The following ABR variants were observed in gnomAD, a reference collection of about 807,000 sequenced individuals.
ABR encodes the protein active breakpoint cluster region-related protein.
ABR carries 35 observed loss-of-function variants against 107.2 expected under a neutral mutation model. The observed-to-expected ratio is 0.33, with a 90% CI of 0.25 to 0.43. ABR has a LOEUF of 0.43. ABR is among the 20% of genes least tolerant of loss of function. The pLI is 1.00. For missense variants in ABR, 815 were observed against 1,115.2 expected (o/e 0.73, Z 3.83); for synonymous variants, 498 against 462.0 (o/e 1.08, Z -1.00).
At position 1,154,160 on chromosome 17, in the gene ABR, C is replaced by G. The variant is rs1470993583; in HGVS notation, c.61+25507G>C. 6.6e-6 allele frequency: 1 copy of G among 152,368 alleles called. No individual in the cohort carries two copies. The highest frequency in any genetic ancestry group is 2.4e-5 in the African/African-American group (1 of 41,452). 9.4% of individuals were successfully genotyped at this position (152,368 alleles called of 1,614,324 possible). On this transcript the variant is annotated intron_variant, in intron 1 of 22. Transcript: ENST00000302538. This position sits in a 1 kb window ranked among gnomAD's most constrained non-coding sequence, Gnocchi z 4.0. Reference sequence around the variant, plus strand: ...GCCAGGAACTGAGCAGCGGGTTCACCTCCCAGGTCCTTCATGATCCTGGTG... The same window carrying G: ...GCCAGGAACTGAGCAGCGGGTTCACGTCCCAGGTCCTTCATGATCCTGGTG...
intron 2 of ABR, among the ~76,000 whole-genome samples, chr17:1,119,973 C>G (rs1261575418): frequency 6.6e-6 from 1 of 152,222 alleles, no homozygotes; most frequent in African/African-American, 2.4e-5. Context: ...TAGCACCTCT[C>G]AGCCTCCAAC....
chr17:1,065,787 T>G (rs778364342), intron 10 of ABR, among the ~76,000 whole-genome samples: 55 of 147,392 alleles, frequency 3.7e-4, no homozygotes, highest in Non-Finnish European at 6.8e-4. Context: ...ACTCTGTTGC[T>G]CAGGCTGGAG....
intron 6 of ABR, among the ~76,000 whole-genome samples, chr17:1,076,913 G>A (rs1223527586): frequency 9.2e-5 from 14 of 152,080 alleles, no homozygotes; most frequent in Admixed American, 7.9e-4. Context: ...CTTCCTGCCC[G>A]GCCTCACCCA....
intron 16 of ABR, among the ~76,000 whole-genome samples, chr17:1,019,223 TTC>T (rs1250454785): frequency 6.6e-6 from 1 of 152,170 alleles, no homozygotes; most frequent in Non-Finnish European, 1.5e-5. Context: ...TAAGGCCCAG[TTC>T]TCGCCCCGCC....
At chr17:1,014,983 T>C (rs1343258093) in intron 16 of ABR, among the ~76,000 whole-genome samples, 1 of 152,248 alleles carries the variant, frequency 6.6e-6, no homozygotes, top group Non-Finnish European at 1.5e-5. Flanking sequence ...TTTTATATTT[T>C]CAAGTCCTTT....
chr17:1,187,685 T>C (rs111723256), upstream of ABR, among the ~76,000 whole-genome samples: 37 of 151,058 alleles, frequency 2.4e-4, no homozygotes, highest in African/African-American at 8.3e-4. Context: ...AGGTCAGGAG[T>C]TCGAGACCAG....
chr17:1,181,772 C>G (rs906588930), upstream of ABR: 2 of 152,188 alleles, frequency 1.3e-5, no homozygotes, highest in African/African-American at 4.8e-5. Context: ...CGTGAGCTGC[C>G]GCCACCAGGA....
chr17:1,183,409 G>T (rs1357049990), upstream of ABR, among the ~76,000 whole-genome samples: 1 of 152,100 alleles, frequency 6.6e-6, no homozygotes, highest in Non-Finnish European at 1.5e-5. Flanking sequence ...GGGATTTCAT[G>T]GTTGGGTGCA....
rs1298347757 is a variant in ABR at position 1,070,897 on chromosome 17, T to A, written c.895-807A>T. 6.6e-6 allele frequency among the ~76,000 whole-genome samples: 1 copy of A among 152,170 alleles called. No individual in the cohort carries two copies. Among genetic ancestry groups the A allele is most frequent in the Admixed American group, 6.5e-5 (1 of 15,274 alleles). ...GATGACCGAGGCCGGGCGCAGTGGTTCACACCTGTCATCCCAGCAATTTGG... is the reference window on the plus strand; with the variant it reads ...GATGACCGAGGCCGGGCGCAGTGGTACACACCTGTCATCCCAGCAATTTGG... On this transcript the variant is annotated intron_variant, in intron 8 of 22. Transcript: ENST00000302538. The surrounding 1 kb of genome is among the most constrained non-coding windows in gnomAD (Gnocchi z 4.2).
Position 1,084,464 on chromosome 17 carries a change from A to G in ABR, c.532-837T>C, listed in dbSNP as rs2036465609. On this transcript the variant is annotated intron_variant, in intron 4 of 22. Coordinates refer to ENST00000302538, the MANE Select transcript of ABR (RefSeq NM_021962.5). The surrounding 1 kb of genome is among the most constrained non-coding windows in gnomAD (Gnocchi z 4.2). ...CGTCCTCACCTCTTCCACCTCCTCT[A>G]CCTCCAAGGAGCCAAAGCCCCAGCC... Among the ~76,000 whole-genome samples the G allele has an allele frequency of 6.6e-6, 1 of 151,900 alleles. No homozygotes were observed. Among genetic ancestry groups the G allele is most frequent in the South Asian group, 2.1e-4 (1 of 4,806 alleles).
Position 1,091,857 on chromosome 17 carries a change from G to C in ABR, c.346-7C>G. 6.2e-7 allele frequency: 1 copy of C among 1,610,672 alleles called. No individual in the cohort carries two copies. The highest frequency in any genetic ancestry group is 8.5e-7 in the Non-Finnish European group (1 of 1,178,142). ...CCTTCAGGGGTTTCATGGGCTGGGAGAAACAGAGGAAGAAAGAGCAGAGGT... is the reference window on the plus strand; with the variant it reads ...CCTTCAGGGGTTTCATGGGCTGGGACAAACAGAGGAAGAAAGAGCAGAGGT... On this transcript the variant is annotated splice_region_variant and splice_polypyrimidine_tract_variant and intron_variant, in intron 3 of 22. Transcript: ENST00000302538.
chr17:1,153,973 A>C (rs2040935642), intron 1 of ABR: 1 of 166,118 alleles, frequency 6.0e-6, no homozygotes, highest in South Asian at 1.4e-4. Flanking sequence ...GGCTGATGCA[A>C]TTCTCGGCAG....
chr17:1,214,006 G>A (rs1371382294), intron 1 of ABR, among the ~76,000 whole-genome samples: 1 of 151,914 alleles, frequency 6.6e-6, no homozygotes, highest in African/African-American at 2.4e-5. Flanking sequence ...TCCTGCCTCA[G>A]CCTCCCGAGT....
rs2042038151 is a variant in ABR at position 1,179,401 on chromosome 17, G to A, written c.61+266C>T. 6.6e-6 allele frequency among the ~76,000 whole-genome samples: 1 copy of A among 151,804 alleles called. No homozygotes were observed. Among genetic ancestry groups the A allele is most frequent in the Non-Finnish European group, 1.5e-5 (1 of 67,908 alleles). ...TCGGCTCGGTCCGCCCACGGTCCCC[G>A]CCCCCGGACCGCAGGAATCCTCTCT... On this transcript the variant is annotated intron_variant, in intron 1 of 22. Coordinates refer to ENST00000302538, the MANE Select transcript of ABR (RefSeq NM_021962.5). This position sits in a 1 kb window ranked among gnomAD's most constrained non-coding sequence, Gnocchi z 4.9.
chr17:1,097,092 C>G (rs2037513494), intron 3 of ABR, among the ~76,000 whole-genome samples: 1 of 152,148 alleles, frequency 6.6e-6, no homozygotes, highest in South Asian at 2.1e-4. Context: ...AAAGGCAGAG[C>G]AGGGAGGGGC....
At chr17:1,114,784 G>A (rs1317204732) in intron 2 of ABR, among the ~76,000 whole-genome samples, 1 of 151,262 alleles carries the variant, frequency 6.6e-6, no homozygotes, top group Non-Finnish European at 1.5e-5. Context: ...AAAAAAAAAA[G>A]CAGTGGTTAG....
At chr17:1,087,653 A>G (rs2036702719) in intron 4 of ABR, among the ~76,000 whole-genome samples, 2 of 152,064 alleles carry the variant, frequency 1.3e-5, no homozygotes, top group Non-Finnish European at 2.9e-5. Context: ...CCGGCCCATC[A>G]ATGCCCACGC....
intron 2 of ABR, among the ~76,000 whole-genome samples, chr17:1,109,779 G>A (rs1306182344): frequency 2.0e-5 from 3 of 152,108 alleles, no homozygotes; most frequent in Admixed American, 1.3e-4. Context: ...CCCCAGGCAG[G>A]AGCGCGGCGC....
chr17:1,127,247 G>T (rs2151458949), intron 1 of ABR, among the ~76,000 whole-genome samples: 1 of 151,320 alleles, frequency 6.6e-6, no homozygotes. Context: ...CCATCACTGA[G>T]ATGAGTGTAC....
Sources: allele counts gnomAD v4.1 joint callset (sites outside exome capture counted in the v4.1 genomes callset), GRCh38; gene constraint gnomAD v4.1.1; non-coding constraint Gnocchi (gnomAD v3.1); transcripts MANE v1.5; gene names NCBI Gene and HGNC (gene_info 2026-07-23, HGNC 2026-07-21).